Variants in HDAC9 observed in about 807,000 individuals in gnomAD.
The protein encoded by HDAC9 is MEF-2 interacting transcription repressor (MITR) protein.
HDAC9 carries 41 observed loss-of-function variants against 139.4 expected under a neutral mutation model. The ratio of observed to expected loss-of-function variants is 0.29; its 90% CI spans 0.23 to 0.38. The LOEUF is 0.38. Ranked by LOEUF, HDAC9 falls within the 10% of genes least tolerant of loss-of-function variation. HDAC9 has a pLI of 1.00. For synonymous variants in HDAC9, 517 were observed against 476.2 expected (o/e 1.09, Z -1.12); for missense variants, 1,147 against 1,297.0 (o/e 0.88, Z 1.78).
intron 1 of HDAC9, among the ~76,000 whole-genome samples, chr7:18,103,541 T>G (rs1782991887): frequency 1.3e-5 from 2 of 152,146 alleles, no homozygotes; most frequent in South Asian, 4.1e-4. Context: ...AGATGATGAC[T>G]TCTTGAAGCA....
intron 2 of HDAC9, among the ~76,000 whole-genome samples, chr7:18,572,169 C>A (rs1374911574): frequency 6.6e-6 from 1 of 151,682 alleles, no homozygotes; most frequent in Non-Finnish European, 1.5e-5. Context: ...GTATAAGCTA[C>A]ATAATATACT....
At chr7:18,833,806 G>T (rs1268042653) in intron 19 of HDAC9, among the ~76,000 whole-genome samples, 1 of 152,136 alleles carries the variant, frequency 6.6e-6, no homozygotes, top group African/African-American at 2.4e-5. Context: ...TCTACACCGT[G>T]GATGGCAAGA....
intron 17 of HDAC9, among the ~76,000 whole-genome samples, chr7:18,806,362 G>T (rs912502474): frequency 6.6e-6 from 1 of 152,158 alleles, no homozygotes; most frequent in Non-Finnish European, 1.5e-5. Context: ...TTATTCAGGG[G>T]ATGGCAGAAT....
intron 12 of HDAC9, among the ~76,000 whole-genome samples, chr7:18,697,589 T>C (rs1783147174): frequency 1.3e-5 from 2 of 152,180 alleles, no homozygotes; most frequent in Non-Finnish European, 2.9e-5. Context: ...TCAACTGTAA[T>C]ACCACCTATG....
intron 1 of HDAC9, among the ~76,000 whole-genome samples, chr7:18,122,598 G>T (rs1784423807): frequency 6.6e-6 from 1 of 151,962 alleles, no homozygotes; most frequent in Non-Finnish European, 1.5e-5. Context: ...CTAAGGATTT[G>T]GGTCTATCAT....
At chr7:18,481,964 G>A (rs1005584339) in intron 1 of HDAC9, among the ~76,000 whole-genome samples, 2 of 152,062 alleles carry the variant, frequency 1.3e-5, no homozygotes, top group Non-Finnish European at 2.9e-5. Flanking sequence ...GTCTGTAATG[G>A]CCTGTGGGTG....
At chr7:18,932,417 T>A (rs889758598) in intron 22 of HDAC9, among the ~76,000 whole-genome samples, 1 of 152,172 alleles carries the variant, frequency 6.6e-6, no homozygotes, top group Non-Finnish European at 1.5e-5. Context: ...AAATGCTGAA[T>A]TAAATATTAA....
intron 21 of HDAC9, among the ~76,000 whole-genome samples, chr7:18,853,927 T>G (rs1400790473): frequency 6.6e-6 from 1 of 152,176 alleles, no homozygotes; most frequent in East Asian, 1.9e-4. Flanking sequence ...TCTTAAGTGT[T>G]GATTGAATTG....
chr7:18,886,122 C>A (rs1338787089), intron 22 of HDAC9, among the ~76,000 whole-genome samples: 1 of 152,272 alleles, frequency 6.6e-6, no homozygotes, highest in Admixed American at 6.5e-5. Context: ...AAATTACAAT[C>A]AAAAGATTTA....
intron 1 of HDAC9, among the ~76,000 whole-genome samples, chr7:18,445,125 C>T (rs1253152831): frequency 1.3e-5 from 2 of 152,118 alleles, no homozygotes; most frequent in African/African-American, 2.4e-5. Flanking sequence ...AACAAGAATT[C>T]ACAGCTGCAG....
At chr7:18,106,791 C>A (rs915690481) in intron 1 of HDAC9, among the ~76,000 whole-genome samples, 2 of 152,250 alleles carry the variant, frequency 1.3e-5, no homozygotes, top group Admixed American at 1.3e-4. Flanking sequence ...CCTTCCCACT[C>A]TCTTCTCCTC....
At chr7:18,512,666 T>C (rs1205673285) in intron 2 of HDAC9, among the ~76,000 whole-genome samples, 1 of 152,208 alleles carries the variant, frequency 6.6e-6, no homozygotes, top group Non-Finnish European at 1.5e-5. Context: ...TATTTCCACC[T>C]CAACTCTACT....
At chr7:18,839,757 T>A (rs373518799) in intron 21 of HDAC9, among the ~76,000 whole-genome samples, 5 of 152,214 alleles carry the variant, frequency 3.3e-5, no homozygotes, top group East Asian at 3.9e-4. Flanking sequence ...TGCTAAGGAA[T>A]CTCTGTTTCA....
At chr7:18,877,396 A>G (rs1799399638) in intron 22 of HDAC9, among the ~76,000 whole-genome samples, 1 of 152,164 alleles carries the variant, frequency 6.6e-6, no homozygotes, top group African/African-American at 2.4e-5. Context: ...TTATTGTGGG[A>G]GTAGGGTGAT....
intron 1 of HDAC9, among the ~76,000 whole-genome samples, chr7:18,093,525 C>A (rs1163011079): frequency 6.6e-6 from 1 of 152,136 alleles, no homozygotes; most frequent in Non-Finnish European, 1.5e-5. Context: ...GCAGGAAGTA[C>A]ATATTATAGG....
intron 24 of HDAC9, among the ~76,000 whole-genome samples, chr7:18,957,296 G>C (rs1244441996): frequency 2.0e-5 from 3 of 152,146 alleles, no homozygotes; most frequent in Non-Finnish European, 4.4e-5. Context: ...TAAAGGAAGA[G>C]AAAAGAGCCC....
At chr7:18,732,296 C>A (rs1786129482) in intron 13 of HDAC9, among the ~76,000 whole-genome samples, 1 of 152,028 alleles carries the variant, frequency 6.6e-6, no homozygotes, top group Non-Finnish European at 1.5e-5. Flanking sequence ...CATTATTCTC[C>A]CACTCAGAGG....
At chr7:18,352,403 T>G (rs1406567229) in intron 1 of HDAC9, among the ~76,000 whole-genome samples, 1 of 152,148 alleles carries the variant, frequency 6.6e-6, no homozygotes, top group East Asian at 1.9e-4. Context: ...TGAAAACTAT[T>G]TGAGATAGAA....
At chr7:18,523,536 A>G (rs1419308706) in intron 2 of HDAC9, among the ~76,000 whole-genome samples, 2 of 152,212 alleles carry the variant, frequency 1.3e-5, no homozygotes, top group Non-Finnish European at 2.9e-5. Flanking sequence ...GCCAGACATT[A>G]TCTTCGTGCC....
Sources: gnomAD v4.1 joint callset for allele counts (sites outside exome capture counted in the v4.1 genomes callset) on GRCh38, gnomAD v4.1.1 for gene constraint, MANE v1.5 for transcripts, NCBI Gene and HGNC (gene_info 2026-07-23, HGNC 2026-07-21) for gene names.